The following ZBTB7C variants were observed in gnomAD, a reference collection of about 807,000 sequenced individuals.
ZBTB7C encodes the protein zinc finger and BTB domain-containing protein 7C.
Under a neutral mutation model 25.7 loss-of-function variants are expected in ZBTB7C, and 8 were observed. That is an observed-to-expected ratio of 0.31 (90% CI 0.18 to 0.56). The LOEUF (loss-of-function observed/expected upper bound fraction) is 0.56, where lower values mean the gene tolerates loss of function less well. Among genes scored for constraint, ZBTB7C ranks in the 20% least tolerant of loss-of-function variants. The pLI, the probability that ZBTB7C is intolerant of heterozygous loss-of-function variation, is 0.91. For missense variants in ZBTB7C, 824 were observed against 855.2 expected (o/e 0.96, Z 0.46); for synonymous variants, 394 against 369.0 (o/e 1.07, Z -0.78).
chr18:48,165,924 C>T (rs1328275762), intron 3 of ZBTB7C, among the ~76,000 whole-genome samples: 1 of 152,338 alleles, frequency 6.6e-6, no homozygotes, highest in East Asian at 1.9e-4. Flanking sequence ...TGATCTTTCC[C>T]TCTTTTTAAA....
chr18:48,126,937 G>A (rs190114289), intron 3 of ZBTB7C, among the ~76,000 whole-genome samples: 1 of 152,260 alleles, frequency 6.6e-6, no homozygotes, highest in African/African-American at 2.4e-5. Context: ...ATGGGAGAGG[G>A]AGGAGGAAAG....
intron 2 of ZBTB7C, among the ~76,000 whole-genome samples, chr18:48,217,697 A>G (rs1199056818): frequency 6.7e-6 from 1 of 149,748 alleles, no homozygotes; most frequent in Non-Finnish European, 1.5e-5. Context: ...CCATCACGGC[A>G]CTAACCCCAC....
intron 4 of ZBTB7C, among the ~76,000 whole-genome samples, chr18:48,035,540 G>A (rs781611235): frequency 1.3e-5 from 2 of 152,248 alleles, no homozygotes; most frequent in Non-Finnish European, 2.9e-5. Flanking sequence ...GAATTAAGAG[G>A]CGGAAGATGC....
At position 48,058,251 on chromosome 18, in the gene ZBTB7C, A is replaced by G. The variant is rs573530394; in HGVS notation, c.-16-17128T>C. 6.9e-4 allele frequency among the ~76,000 whole-genome samples: 105 copies of G among 152,258 alleles called. 1 individual carries two copies. The highest frequency in any genetic ancestry group is 2.4e-3 in the Admixed American group (37 of 15,306). On this transcript the variant is annotated intron_variant, in intron 3 of 4. Coordinates refer to ENST00000590800, the MANE Select transcript of ZBTB7C (RefSeq NM_001318841.2). Reference sequence around the variant, plus strand: ...TGGCCAATGAGCTCTAAAGGGTTGGACCCACTCAAGGGGCCCAGCAAGTAA... The same window carrying G: ...TGGCCAATGAGCTCTAAAGGGTTGGGCCCACTCAAGGGGCCCAGCAAGTAA...
chr18:48,105,100 G>C (rs948382605), intron 3 of ZBTB7C, among the ~76,000 whole-genome samples: 4 of 152,226 alleles, frequency 2.6e-5, no homozygotes, highest in Non-Finnish European at 1.5e-5. Flanking sequence ...TGTTTGCAAA[G>C]GATGTATGCT....
chr18:48,215,796 C>T (rs2042809640), intron 2 of ZBTB7C, among the ~76,000 whole-genome samples: 1 of 152,164 alleles, frequency 6.6e-6, no homozygotes, highest in South Asian at 2.1e-4. Flanking sequence ...ATGTAAATTT[C>T]CCCCACAGTA....
intron 3 of ZBTB7C, among the ~76,000 whole-genome samples, chr18:48,058,101 T>G (rs2036987510): frequency 6.6e-6 from 1 of 152,266 alleles, no homozygotes; most frequent in Non-Finnish European, 1.5e-5. Context: ...CAGCACCATC[T>G]GAGCTTCAAG....
intron 2 of ZBTB7C, chr18:48,252,141 T>C (rs150661394): frequency 2.0e-5 from 3 of 152,262 alleles, no homozygotes; most frequent in East Asian, 3.9e-4. Flanking sequence ...TTAAAAAGAA[T>C]TGAAAAAAGC....
chr18:48,154,722 CATCCCAT>C (rs1407817586), intron 3 of ZBTB7C, among the ~76,000 whole-genome samples: 7 of 152,192 alleles, frequency 4.6e-5, no homozygotes, highest in Non-Finnish European at 8.8e-5. Flanking sequence ...TAGTGAGCAT[CATCCCAT>C]AATGCACTCG....
In ZBTB7C at chr18:48,227,174, A is replaced by G. The variant is rs566316837; in HGVS notation, c.-78-41179T>C. Reference sequence around the variant, plus strand: ...CATGCCTGAAAAGGCTGTCTGGGCCAGGAGGGCTTGGACAAGCATCCACGA... The same window carrying G: ...CATGCCTGAAAAGGCTGTCTGGGCCGGGAGGGCTTGGACAAGCATCCACGA... On this transcript the variant is annotated intron_variant, in intron 2 of 4. Transcript: ENST00000590800. 5.3e-5 allele frequency among the ~76,000 whole-genome samples: 8 copies of G among 152,338 alleles called. No homozygotes were observed. In the South Asian group the frequency reaches 1.7e-3, roughly 32 times the overall value.
At chr18:48,215,183 T>C (rs1234115006) in intron 2 of ZBTB7C, among the ~76,000 whole-genome samples, 1 of 152,212 alleles carries the variant, frequency 6.6e-6, no homozygotes, top group Non-Finnish European at 1.5e-5. Context: ...ATCTTGACAT[T>C]AGCAGAACCT....
At chr18:48,235,412 G>A (rs1283963763) in intron 2 of ZBTB7C, among the ~76,000 whole-genome samples, 1 of 151,984 alleles carries the variant, frequency 6.6e-6, no homozygotes, top group Non-Finnish European at 1.5e-5. Context: ...CCAAATCAAG[G>A]ACTGTAGAGC....
chr18:48,218,808 C>G (rs1183696516), intron 2 of ZBTB7C, among the ~76,000 whole-genome samples: 1 of 152,204 alleles, frequency 6.6e-6, no homozygotes, highest in Non-Finnish European at 1.5e-5. Context: ...TGCTACAGCT[C>G]CATCCACCAC....
intron 2 of ZBTB7C, among the ~76,000 whole-genome samples, chr18:48,227,335 C>T (rs756023997): frequency 6.6e-6 from 1 of 152,226 alleles, no homozygotes; most frequent in Non-Finnish European, 1.5e-5. Context: ...CAAAAGCCTC[C>T]TCCCATTGAA....
intron 1 of ZBTB7C, chr18:48,374,331 T>C (rs891255574): frequency 6.6e-6 from 1 of 152,168 alleles, no homozygotes; most frequent in Non-Finnish European, 1.5e-5. Flanking sequence ...GAGAGAGGCA[T>C]CAAGTTGCAG....
At chr18:48,222,565 C>T (rs1309721507) in intron 2 of ZBTB7C, among the ~76,000 whole-genome samples, 2 of 152,152 alleles carry the variant, frequency 1.3e-5, no homozygotes, top group Non-Finnish European at 1.5e-5. Flanking sequence ...AAATTAAGCT[C>T]ATGGAAGCTC....
At chr18:48,319,291 G>A (rs1665320806) in intron 2 of ZBTB7C, among the ~76,000 whole-genome samples, 1 of 152,074 alleles carries the variant, frequency 6.6e-6, no homozygotes, top group South Asian at 2.1e-4. Context: ...CACTGTGTGG[G>A]TTCAAATTCT....
intron 3 of ZBTB7C, among the ~76,000 whole-genome samples, chr18:48,053,622 G>A (rs1410984214): frequency 6.6e-6 from 1 of 152,124 alleles, no homozygotes; most frequent in Non-Finnish European, 1.5e-5. Flanking sequence ...AGGTAGAGCC[G>A]AGGCTTGAAC....
At chr18:48,039,403 C>T (rs4939701) in intron 4 of ZBTB7C, among the ~76,000 whole-genome samples, 82,803 of 152,108 alleles carry the variant, frequency 0.54, 23,508 homozygotes, top group African/African-American at 0.69. Context: ...AAGTCAACCA[C>T]GTCTCCCCAT....
Sources: gnomAD v4.1 joint callset for allele counts (sites outside exome capture counted in the v4.1 genomes callset) on GRCh38, gnomAD v4.1.1 for gene constraint, MANE v1.5 for transcripts, NCBI Gene and HGNC (gene_info 2026-07-23, HGNC 2026-07-21) for gene names.